MYO7A: variants seen among roughly 807,000 people sequenced by gnomAD.
The protein encoded by MYO7A is unconventional myosin-VIIa.
In MYO7A, 210 loss-of-function variants were observed where a neutral mutation model predicts 263.8. The ratio of observed to expected loss-of-function variants is 0.80; its 90% CI spans 0.71 to 0.89. MYO7A has a LOEUF of 0.89. MYO7A is among the 40% of genes least tolerant of loss of function. The probability of loss-of-function intolerance (pLI) is 0.00; values close to 1 mark genes in which losing one functional copy is unlikely to be tolerated. For synonymous variants in MYO7A, 1,239 were observed against 1,197.3 expected (o/e 1.03, Z -0.72); for missense variants, 2,820 against 2,968.3 (o/e 0.95, Z 1.16).
chr11:77,212,963 GC>G lies in MYO7A; in HGVS notation c.6368del (p.Pro2123GlnfsTer8), dbSNP rs2135798718. The G allele has an allele frequency of 6.3e-7, 1 of 1,594,498 alleles. No individual in the cohort carries two copies. The highest frequency in any genetic ancestry group is 8.5e-7 in the Non-Finnish European group (1 of 1,170,026). On this transcript the variant is annotated frameshift_variant, in exon 47 of 49. Transcript: ENST00000409709. LOFTEE classifies it high-confidence loss of function. ...AFFEVKQTTE[P>X]NFPEILLIAI... ...ATCTTTTTTTCTAGCAAACTACGGA[GC>G]CAAACTTCCCTGAGATCCTCCTAAT...
At chr11:77,194,282 G>T (rs1345898969) in intron 31 of MYO7A, 72 bp from the exon 32 acceptor site, 57 of 1,532,666 alleles carry the variant, frequency 3.7e-5, no homozygotes, top group South Asian at 2.1e-4. Flanking sequence ...GGGGCCTGGA[G>T]CCTTTGGTGG....
intron 3 of MYO7A, 108 bp from the exon 4 acceptor site, chr11:77,147,690 C>A: frequency 6.9e-7 from 1 of 1,458,410 alleles, no homozygotes; most frequent in South Asian, 1.2e-5. Context: ...GGTCGAGGCC[C>A]TTACCCGGGT....
rs574834308 is a variant in MYO7A at position 77,147,089 on chromosome 11, A to G, written c.133-709A>G. ...AGGTCATCAGCAAGCCCCAGGAAAT[A>G]TCTCCTGGGTGGGTCCCCTTCTCCC... On this transcript the variant is annotated intron_variant, in intron 3 of 48. Transcript: ENST00000409709. Among the ~76,000 whole-genome samples the G allele has an allele frequency of 5.7e-4, 86 of 152,108 alleles. 1 individual carries two copies. The highest frequency in any genetic ancestry group is 2.1e-3 in the African/African-American group (86 of 41,496).
rs907350642 is a variant in MYO7A, at chr11:77,214,088, G to A, written c.6558+109G>A. ...GTAGTGTGCGGCTGGGCCTGGGGTC[G>A]TGGGCAAGGGTCATGCTGGGGCCAA... On this transcript the variant is annotated intron_variant, in intron 48 of 48. Transcript: ENST00000409709. 3.4e-5 allele frequency: 50 copies of A among 1,462,720 alleles called. No individual in the cohort carries two copies. In the Middle Eastern group the frequency reaches 9.7e-4, roughly 28 times the overall value. 90.6% of individuals were successfully genotyped at this position (1,462,720 alleles called of 1,614,324 possible). A position where few individuals can be genotyped will look rare whatever the true frequency, so the allele number is the denominator to read the frequency against.
At position 77,182,100 on chromosome 11, in the gene MYO7A, C is replaced by G; in HGVS notation, c.3054C>G (p.Thr1018=). The change falls in exon 24 of 49, where the codon ACC becomes ACG. Residue 1018 remains threonine (T), a synonymous_variant. Transcript: ENST00000409709. ...YFQGTTTHSY[T]RRPLKQPLLY... ...AGGGGACAACCACGCACTCCTACAC[C>G]CGGCGGCCACTCAAACAGCCACTGC... 1 of 1,613,368 alleles carries G rather than the reference C, an allele frequency of 6.2e-7. No individual in the cohort carries two copies. Among genetic ancestry groups the G allele is most frequent in the South Asian group, 1.1e-5 (1 of 91,084 alleles).
intron 30 of MYO7A, 28 bp downstream of exon 30, chr11:77,190,898 C>G: frequency 6.5e-7 from 1 of 1,526,814 alleles, no homozygotes; most frequent in South Asian, 1.2e-5. Flanking sequence ...CACCTCCTCC[C>G]GGAAGCACCT....
In MYO7A at chr11:77,201,435, C is replaced by T; in HGVS notation, c.4853-13C>T. 1 of 1,611,174 alleles carries T rather than the reference C, an allele frequency of 6.2e-7. No individual in the cohort carries two copies. The highest frequency in any genetic ancestry group is 8.5e-7 in the Non-Finnish European group (1 of 1,178,628). ...TCTCTGCCCCCATGGTCCCACTCAC[C>T]TCTGCTCTACAGCAGGCGAGGAGTC... On this transcript the variant is annotated splice_polypyrimidine_tract_variant and intron_variant, in intron 35 of 48. Transcript: ENST00000409709.
At chr11:77,207,533 C>T (rs866964025) in intron 42 of MYO7A, 131 bp downstream of exon 42, 3 of 726,834 alleles carry the variant, frequency 4.1e-6, no homozygotes. Flanking sequence ...CATCTTCTTC[C>T]ATCCCTGCAG....
rs1270044198 is a variant in MYO7A at position 77,151,207 on chromosome 11, C to T, written c.285+3257C>T. Among the ~76,000 whole-genome samples the T allele has an allele frequency of 9.8e-5, 15 of 152,346 alleles. No homozygotes were observed. In the East Asian group the frequency reaches 1.2e-3, roughly 12 times the overall value. On this transcript the variant is annotated intron_variant, in intron 4 of 48. Coordinates refer to ENST00000409709, the MANE Select transcript of MYO7A (RefSeq NM_000260.4). ...GGTCCTAGAGAGCAAGGACTGTCCC[C>T]GCATTGTGTGGAAGGGCTGGTGGGG... is the stretch of plus-strand genomic sequence containing the variant.
rs782339477 is a variant in MYO7A at position 77,169,409 on chromosome 11, C to A, written c.1797+3247C>A. ...GTCATATGTCCTGGGGCCCTGAGCC[C>A]AAGAGACACCTATTCACTCTATGCA... On this transcript the variant is annotated intron_variant, in intron 15 of 48. Coordinates refer to ENST00000409709, the MANE Select transcript of MYO7A (RefSeq NM_000260.4). 5.3e-5 allele frequency among the ~76,000 whole-genome samples: 8 copies of A among 152,336 alleles called. No individual in the cohort carries two copies. The East Asian group carries it at 1.4e-3, about 26-fold the overall frequency.
At chr11:77,202,223 G>C (rs563465406) in intron 36 of MYO7A, 77 bp from the exon 37 acceptor site, 1 of 1,478,006 alleles carries the variant, frequency 6.8e-7, no homozygotes, top group African/African-American at 1.4e-5. Flanking sequence ...AGTCCAGAAG[G>C]CTTCAGGGTA....
At chr11:77,186,724 A>G (rs1459724008) in intron 27 of MYO7A, among the ~76,000 whole-genome samples, 2 of 152,198 alleles carry the variant, frequency 1.3e-5, no homozygotes, top group Admixed American at 6.5e-5. Context: ...TTTTCTCCAT[A>G]TCAGCAAATA....
chr11:77,214,636 C>G lies in MYO7A; in HGVS notation c.6588C>G (p.Ser2196=). Residue 2196 remains serine, a synonymous_variant, in exon 49 of 49, where the codon TCC becomes TCG. Coordinates refer to ENST00000409709, the MANE Select transcript of MYO7A (RefSeq NM_000260.4). The part of the protein sequence containing the change: ...LGYKMDDLLT[S]YISQMLTAMS... ...ACAAGATGGATGACCTCCTGACTTCCTACATTAGCCAGATGCTCACAGCCA... is the reference window on the plus strand; with the variant it reads ...ACAAGATGGATGACCTCCTGACTTCGTACATTAGCCAGATGCTCACAGCCA... The G allele has an allele frequency of 3.1e-6, 5 of 1,587,418 alleles. No homozygotes were observed. Among genetic ancestry groups the G allele is most frequent in the Non-Finnish European group, 4.3e-6 (5 of 1,167,644 alleles).
intron 27 of MYO7A, among the ~76,000 whole-genome samples, chr11:77,187,294 G>A (rs774907094): frequency 6.6e-6 from 1 of 152,152 alleles, no homozygotes; most frequent in Non-Finnish European, 1.5e-5. Flanking sequence ...ATGCAGAGTC[G>A]TCATAAACCA....
At chr11:77,180,584 A>G (rs2135479529) in intron 22 of MYO7A, 103 bp downstream of exon 22, 1 of 1,008,554 alleles carries the variant, frequency 9.9e-7, no homozygotes, top group Non-Finnish European at 1.5e-6. Context: ...CCTTCCTTCC[A>G]TCCTTCAGAA....
chr11:77,163,114 A>C, intron 14 of MYO7A, 126 bp downstream of exon 14: 1 of 1,039,520 alleles, frequency 9.6e-7, no homozygotes, highest in East Asian at 2.7e-5. Context: ...ATATATATAT[A>C]TATATGAACT....
intron 19 of MYO7A, among the ~76,000 whole-genome samples, chr11:77,178,239 A>G (rs112118954): frequency 1.9e-4 from 27 of 144,870 alleles, no homozygotes; most frequent in African/African-American, 6.9e-4. Context: ...CCATCCATCC[A>G]TCCATCCATC....
At chr11:77,168,121 G>A (rs1011233900) in intron 15 of MYO7A, among the ~76,000 whole-genome samples, 5 of 152,100 alleles carry the variant, frequency 3.3e-5, no homozygotes, top group Admixed American at 6.6e-5. Context: ...CTGGTCTTGG[G>A]CATACTCTGG....
Position 77,184,688 on chromosome 11 carries a change from G to T in MYO7A, c.3476G>T (p.Gly1159Val), listed in dbSNP as rs199897298. The part of the protein sequence containing the change: ...SNLEKLHFII[G>V]NGILRPALRD... Reference sequence around the variant, plus strand: ...CTGGAGAAGCTGCACTTCATCATCGGCAATGGCATCCTGCGGCCAGCACTC... The same window carrying T: ...CTGGAGAAGCTGCACTTCATCATCGTCAATGGCATCCTGCGGCCAGCACTC... Residue 1159 changes from glycine to valine, a missense_variant, in exon 27 of 49, where the codon GGC becomes GTC. Physicochemically the swap from Gly to Val is moderately radical, Grantham distance 109. Coordinates refer to ENST00000409709, the MANE Select transcript of MYO7A (RefSeq NM_000260.4). 4.1e-4 allele frequency: 648 copies of T among 1,599,344 alleles called. No individual in the cohort carries two copies. Among genetic ancestry groups the T allele is most frequent in the Non-Finnish European group, 5.4e-4 (628 of 1,172,708 alleles).
Sources: allele counts gnomAD v4.1 joint callset (sites outside exome capture counted in the v4.1 genomes callset), GRCh38; gene constraint gnomAD v4.1.1; transcripts MANE v1.5; gene names NCBI Gene and HGNC (gene_info 2026-07-23, HGNC 2026-07-21).